The following NUCKS1 variants were observed in gnomAD, a reference collection of about 807,000 sequenced individuals.
The protein encoded by NUCKS1 is nuclear casein kinase and cyclin dependent kinase substrate 1.
A neutral mutation model predicts 33.0 loss-of-function variants in NUCKS1; 2 were observed. That is an observed-to-expected ratio of 0.06 (90% CI 0.02 to 0.19). The LOEUF (loss-of-function observed/expected upper bound fraction) is 0.19. Ranked by LOEUF, NUCKS1 falls within the 10% of genes least tolerant of loss-of-function variation. NUCKS1 has a pLI of 1.00. For missense variants in NUCKS1, 201 were observed against 293.6 expected (o/e 0.68, Z 2.31); for synonymous variants, 106 against 102.8 (o/e 1.03, Z -0.19).
chr1:205,727,872 T>A, intron 2 of NUCKS1, 67 bp from the exon 3 acceptor site: 1 of 1,017,454 alleles, frequency 9.8e-7, no homozygotes, highest in Non-Finnish European at 1.5e-6. Context: ...CTATATTTAC[T>A]GACATAATTA....
At chr1:205,721,359 A>G (rs1402681231) in intron 4 of NUCKS1, among the ~76,000 whole-genome samples, 1 of 152,216 alleles carries the variant, frequency 6.6e-6, no homozygotes, top group African/African-American at 2.4e-5. Context: ...TGTAACCACT[A>G]TTACATATAA....
intron 4 of NUCKS1, among the ~76,000 whole-genome samples, chr1:205,723,231 G>A (rs976773343): frequency 6.6e-6 from 1 of 152,188 alleles, no homozygotes; most frequent in Non-Finnish European, 1.5e-5. Context: ...CTCATTTAAA[G>A]GGAGATCCAG....
In NUCKS1 at chr1:205,717,134, T is replaced by C. The variant is rs542339789; in HGVS notation, c.*1146A>G. ...CACAGGGATGTACTTCTTATCACAT[T>C]TCTATGAAGAAATGGGAAGATCGGG... On this transcript the variant is annotated 3_prime_UTR_variant, in exon 7 of 7. Transcript: ENST00000367142. 2.5e-4 allele frequency: 52 copies of C among 210,784 alleles called. No homozygotes were observed. Among genetic ancestry groups the C allele is most frequent in the African/African-American group, 1.2e-3 (49 of 42,538 alleles). The allele number at this position is 210,784 out of a possible 1,614,324, so 13.1% of individuals were successfully genotyped here.
In NUCKS1 at chr1:205,717,312, T is replaced by C; in HGVS notation, c.*968A>G. ...CTGAGTTTCACATTAACTGGAACTT[T>C]ATTTGCTTAAAACCTAAACATTGTC... On this transcript the variant is annotated 3_prime_UTR_variant, in exon 7 of 7. Transcript: ENST00000367142. 4 of 987,368 alleles carry C rather than the reference T, an allele frequency of 4.1e-6. No individual in the cohort carries two copies. The highest frequency in any genetic ancestry group is 4.8e-6 in the Non-Finnish European group (4 of 829,942). 61.2% of individuals were successfully genotyped at this position (987,368 alleles called of 1,614,324 possible).
At chr1:205,743,201 C>T (rs542753106) in intron 1 of NUCKS1, among the ~76,000 whole-genome samples, 1 of 152,250 alleles carries the variant, frequency 6.6e-6, no homozygotes, top group Admixed American at 6.5e-5. Flanking sequence ...ACCCCAAAAA[C>T]CAAAAACTTT....
In NUCKS1 at chr1:205,750,113, T is replaced by G; in HGVS notation, c.-140A>C. 7.8e-6 allele frequency: 6 copies of G among 773,888 alleles called. No individual in the cohort carries two copies. Among genetic ancestry groups the G allele is most frequent in the East Asian group, 3.4e-5 (1 of 29,756 alleles). The allele number at this position is 773,888 out of a possible 1,614,324, so 47.9% of individuals were successfully genotyped here. Reference sequence around the variant, plus strand: ...ACCCCGAGCTGCTGGCTTCTCAAACTCCGCTGCTCTTTGGTTCAGGGCTCC... The same window carrying G: ...ACCCCGAGCTGCTGGCTTCTCAAACGCCGCTGCTCTTTGGTTCAGGGCTCC... On this transcript the variant is annotated 5_prime_UTR_variant, in exon 1 of 7. Coordinates refer to ENST00000367142, the MANE Select transcript of NUCKS1 (RefSeq NM_022731.5).
In NUCKS1 at chr1:205,717,668, G is replaced by GT. The variant is rs1488459766; in HGVS notation, c.*611dup. 2 of 985,036 alleles carry GT rather than the reference G, an allele frequency of 2.0e-6. No homozygotes were observed. The highest frequency in any genetic ancestry group is 2.4e-6 in the Non-Finnish European group (2 of 829,898). The allele number at this position is 985,036 out of a possible 1,614,324, so 61.0% of individuals were successfully genotyped here. ...ACAAGGTAAAAAATGAGTACTTTTA[G>GT]TAACAGTTCAGAATTCATCTTTATC... On this transcript the variant is annotated 3_prime_UTR_variant, in exon 7 of 7. Transcript: ENST00000367142.
chr1:205,737,418 T>C (rs968393884), intron 1 of NUCKS1, among the ~76,000 whole-genome samples: 6 of 152,228 alleles, frequency 3.9e-5, no homozygotes. Context: ...TCCTCATCTA[T>C]ATCATTAATT....
At chr1:205,722,249 G>C (rs1422135068) in intron 4 of NUCKS1, among the ~76,000 whole-genome samples, 2 of 151,514 alleles carry the variant, frequency 1.3e-5, no homozygotes, top group Non-Finnish European at 2.9e-5. Context: ...CTAATTTCTT[G>C]TTGTTGTTTG....
chr1:205,741,297 C>CAAAAAAAAAAAAAAAAAA (rs56979923), intron 1 of NUCKS1, among the ~76,000 whole-genome samples: 4 of 78,916 alleles, frequency 5.1e-5, no homozygotes, highest in South Asian at 4.6e-4. Context: ...GAGACTGTCT[C>CAAAAAAAAAAAAAAAAAA]AAAAAAAAAA....
chr1:205,748,919 T>G (rs1213221703), intron 1 of NUCKS1, among the ~76,000 whole-genome samples: 4 of 152,202 alleles, frequency 2.6e-5, no homozygotes, highest in Non-Finnish European at 5.9e-5. Context: ...CTCAACAGAT[T>G]GGACTAAACC....
intron 1 of NUCKS1, among the ~76,000 whole-genome samples, chr1:205,732,779 CAAA>C (rs59760552): frequency 4.1e-5 from 3 of 74,006 alleles, no homozygotes; most frequent in African/African-American, 5.5e-5. Context: ...GACTCTGTCT[CAAA>C]AAAAAAAAAA....
At chr1:205,741,297 C>CAAAAAAAA (rs56979923) in intron 1 of NUCKS1, among the ~76,000 whole-genome samples, 51 of 78,790 alleles carry the variant, frequency 6.5e-4, no homozygotes, top group South Asian at 9.2e-4. Context: ...GAGACTGTCT[C>CAAAAAAAA]AAAAAAAAAA....
Position 205,718,090 on chromosome 1 carries a change from A to G in NUCKS1, c.*190T>C, listed in dbSNP as rs1216963735. 8.2e-7 allele frequency: 1 copy of G among 1,218,220 alleles called. No individual in the cohort carries two copies. The highest frequency in any genetic ancestry group is 1.6e-5 in the African/African-American group (1 of 63,038). 75.5% of individuals were successfully genotyped at this position (1,218,220 alleles called of 1,614,324 possible). The stretch of plus-strand genomic sequence containing the variant: ...ACACATACAATGGTTTGCTTTAAAA[A>G]AAAAAAAAAAAAAAGAGAGAGAGAG... On this transcript the variant is annotated 3_prime_UTR_variant, in exon 7 of 7. Coordinates refer to ENST00000367142, the MANE Select transcript of NUCKS1 (RefSeq NM_022731.5).
In NUCKS1 at chr1:205,719,539, G is replaced by A. The variant is rs987593553; in HGVS notation, c.520C>T (p.Leu174=). ...RKEKKMPKPR[L]KATVTPSPVK... is the part of the protein sequence containing the mutation. ...CTGCAGAAATTACCTGTAGCCTTTA[G>A]TCTGGGTTTGGGCATTTTCTTTTCT... Residue 174 remains leucine, a synonymous_variant, in exon 6 of 7, where the codon CTA becomes TTA. Coordinates refer to ENST00000367142, the MANE Select transcript of NUCKS1 (RefSeq NM_022731.5). The A allele has an allele frequency of 6.2e-7, 1 of 1,602,704 alleles. No homozygotes were observed. The highest frequency in any genetic ancestry group is 1.4e-5 in the African/African-American group (1 of 73,968).
chr1:205,726,514 G>A (rs1447714307), intron 3 of NUCKS1, among the ~76,000 whole-genome samples: 1 of 152,122 alleles, frequency 6.6e-6, no homozygotes, highest in Non-Finnish European at 1.5e-5. Context: ...AAACTACTAG[G>A]TAAATACATG....
rs1361979892 is a variant in NUCKS1, at chr1:205,714,913, G to GC, written c.*3366dup. On this transcript the variant is annotated 3_prime_UTR_variant, in exon 7 of 7. Coordinates refer to ENST00000367142, the MANE Select transcript of NUCKS1 (RefSeq NM_022731.5). ...AAGCCAGCACTCATTCTTCAAAGCT[G>GC]CAACAGTGGCCACCATGATCTTTTA... The GC allele has an allele frequency of 1.3e-5, 2 of 152,124 alleles. No individual in the cohort carries two copies. The allele number at this position is 152,124 out of a possible 1,614,324, so 9.4% of individuals were successfully genotyped here.
chr1:205,729,045 T>C (rs1571576587), intron 2 of NUCKS1, among the ~76,000 whole-genome samples: 1 of 152,204 alleles, frequency 6.6e-6, no homozygotes, highest in East Asian at 1.9e-4. Flanking sequence ...CTCGGCTCAC[T>C]GCAACCTCCG....
At chr1:205,734,549 A>G (rs1360673605) in intron 1 of NUCKS1, among the ~76,000 whole-genome samples, 1 of 152,240 alleles carries the variant, frequency 6.6e-6, no homozygotes, top group Non-Finnish European at 1.5e-5. Context: ...TAAATAAATA[A>G]AAGATCTGTG....
Sources: allele counts gnomAD v4.1 joint callset (sites outside exome capture counted in the v4.1 genomes callset), GRCh38; gene constraint gnomAD v4.1.1; transcripts MANE v1.5; gene names NCBI Gene and HGNC (gene_info 2026-07-23, HGNC 2026-07-21).